The following STIP1 variants were observed in gnomAD, a reference collection of about 807,000 sequenced individuals.
STIP1 encodes stress induced phosphoprotein 1.
In STIP1, 16 loss-of-function variants were observed where a neutral mutation model predicts 77.4. That is an observed-to-expected ratio of 0.21 (90% CI 0.14 to 0.31). The LOEUF is 0.31. Ranked by LOEUF, STIP1 falls within the 10% of genes least tolerant of loss-of-function variation. The pLI is 1.00. For missense variants in STIP1, 524 were observed against 684.8 expected (o/e 0.77, Z 2.62); for synonymous variants, 258 against 246.6 (o/e 1.05, Z -0.44).
At chr11:64,198,545 CTG>C (rs1377646553) in intron 8 of STIP1, among the ~76,000 whole-genome samples, 1 of 152,114 alleles carries the variant, frequency 6.6e-6, no homozygotes, top group African/African-American at 2.4e-5. Flanking sequence ...AGGGGTCTCA[CTG>C]TGTTGCCCAG....
intron 10 of STIP1, 145 bp from the exon 11 acceptor site, chr11:64,202,731 A>G (rs1394722935): frequency 6.0e-6 from 5 of 831,410 alleles, no homozygotes; most frequent in African/African-American, 1.7e-5. Flanking sequence ...GGGATGATCC[A>G]TCATCTGGAG....
chr11:64,204,207 G>A lies in STIP1; in HGVS notation c.*81G>A. On this transcript the variant is annotated 3_prime_UTR_variant, in exon 14 of 14. Coordinates refer to ENST00000305218, the MANE Select transcript of STIP1 (RefSeq NM_006819.3). ...GCGGCGAGCAGCACGGAGCGGAAGGGAGAGCAGGGGAGAGAAGGCCTCATC... is the reference window on the plus strand; with the variant it reads ...GCGGCGAGCAGCACGGAGCGGAAGGAAGAGCAGGGGAGAGAAGGCCTCATC... 1.4e-6 allele frequency: 2 copies of A among 1,392,448 alleles called. No homozygotes were observed. The highest frequency in any genetic ancestry group is 1.2e-5 in the South Asian group (1 of 83,920). The allele number at this position is 1,392,448 out of a possible 1,614,324, so 86.3% of individuals were successfully genotyped here.
At chr11:64,195,936 C>G in intron 5 of STIP1, 123 bp downstream of exon 5, 1 of 1,392,116 alleles carries the variant, frequency 7.2e-7, no homozygotes. Context: ...GAGACGGAGT[C>G]TTGCTGTGTT....
chr11:64,193,503 G>A, intron 2 of STIP1: 1 of 562,294 alleles, frequency 1.8e-6, no homozygotes. Context: ...AGAGGCCAGG[G>A]CTGGGCGCGG....
Position 64,200,263 on chromosome 11 carries a change from C to T in STIP1, c.1215C>T (p.Thr405=). 1 of 1,613,208 alleles carries T rather than the reference C, an allele frequency of 6.2e-7. No individual in the cohort carries two copies. The highest frequency in any genetic ancestry group is 8.5e-7 in the Non-Finnish European group (1 of 1,179,726). Residue 405 remains threonine, a synonymous_variant, in exon 10 of 14, where the codon ACC becomes ACT. Transcript: ENST00000305218. ...ACAGCAATCGAGCTGCCTGCTACAC[C>T]AAACTCCTGGAGTTCCAGCTGGCAC... ...KLYSNRAACY[T]KLLEFQLALK... is the part of the protein sequence containing the mutation.
Position 64,197,497 on chromosome 11 carries a change from A to G in STIP1, c.804A>G (p.Val268=). The change falls in exon 7 of 14, where the codon GTA becomes GTG. Residue 268 remains valine, a synonymous_variant. Coordinates refer to ENST00000305218, the MANE Select transcript of STIP1 (RefSeq NM_006819.3). The stretch of plus-strand genomic sequence containing the variant: ...CTTAACCATCCTGCCTGGCAGCGGT[A>G]TACTTTGAAAAGGGCGACTACAATA... ...NMTYITNQAA[V]YFEKGDYNKC... 1.2e-6 allele frequency: 2 copies of G among 1,614,194 alleles called. No individual in the cohort carries two copies. The highest frequency in any genetic ancestry group is 2.2e-5 in the South Asian group (2 of 91,086).
intron 1 of STIP1, among the ~76,000 whole-genome samples, chr11:64,192,846 C>A (rs1041693442): frequency 6.6e-6 from 1 of 152,226 alleles, no homozygotes; most frequent in African/African-American, 2.4e-5. Flanking sequence ...TCGTTCGTCA[C>A]ATGGGGGCCA....
intron 1 of STIP1, among the ~76,000 whole-genome samples, chr11:64,187,175 T>A (rs1946032464): frequency 6.6e-6 from 1 of 152,068 alleles, no homozygotes; most frequent in African/African-American, 2.4e-5. Context: ...TTCCTTTCAG[T>A]GACTTGGTTA....
chr11:64,202,958 T>G (rs1403357883), intron 11 of STIP1, 46 bp downstream of exon 11: 5 of 1,613,858 alleles, frequency 3.1e-6, no homozygotes, highest in African/African-American at 1.3e-5. Context: ...GCCAAAAGAT[T>G]AGAGAAGGAA....
chr11:64,191,888 C>T (rs1946096531), intron 1 of STIP1, among the ~76,000 whole-genome samples: 1 of 152,114 alleles, frequency 6.6e-6, no homozygotes, highest in Non-Finnish European at 1.5e-5. Flanking sequence ...AGAGGCACAC[C>T]TCACTTGCCA....
At chr11:64,197,807 C>T (rs747603841) in intron 7 of STIP1, 47 bp from the exon 8 acceptor site, 2 of 1,594,594 alleles carry the variant, frequency 1.3e-6, no homozygotes, top group South Asian at 2.2e-5. Context: ...CAGGAGCTGA[C>T]TTTATCTCTC....
rs1465636600 is a variant in STIP1, at chr11:64,204,189, G to A, written c.*63G>A. 6.4e-7 allele frequency: 1 copy of A among 1,555,910 alleles called. No individual in the cohort carries two copies. Among genetic ancestry groups the A allele is most frequent in the African/African-American group, 1.4e-5 (1 of 73,340 alleles). On this transcript the variant is annotated 3_prime_UTR_variant, in exon 14 of 14. Transcript: ENST00000305218. ...GAAAGAGGAGCTGGGACCGCGGCGAGCAGCACGGAGCGGAAGGGAGAGCAG... is the reference window on the plus strand; with the variant it reads ...GAAAGAGGAGCTGGGACCGCGGCGAACAGCACGGAGCGGAAGGGAGAGCAG...
intron 1 of STIP1, among the ~76,000 whole-genome samples, chr11:64,186,756 G>A (rs984336536): frequency 9.9e-5 from 15 of 152,234 alleles, no homozygotes; most frequent in African/African-American, 3.4e-4. Context: ...GAGCGGGGAC[G>A]GGGATACACT....
chr11:64,193,518 G>A (rs963613857), intron 2 of STIP1: 11 of 514,266 alleles, frequency 2.1e-5, no homozygotes, highest in African/African-American at 1.2e-4. Context: ...GCGCGGTGAC[G>A]CACGCCTGTG....
intron 10 of STIP1, chr11:64,202,427 T>C (rs1245808954): frequency 6.8e-6 from 1 of 148,026 alleles, no homozygotes; most frequent in Admixed American, 6.8e-5. Context: ...TTTTTTTTTT[T>C]AGTAGAGATG....
chr11:64,196,366 A>G (rs769462222), intron 5 of STIP1, among the ~76,000 whole-genome samples: 53 of 140,648 alleles, frequency 3.8e-4, no homozygotes, highest in Middle Eastern at 3.8e-3. Context: ...ACTACACTCC[A>G]GGCTGGGTGA....
rs572678905 is a variant in STIP1 at position 64,204,349 on chromosome 11, G to A, written c.*223G>A. 5.0e-5 allele frequency: 26 copies of A among 520,348 alleles called. No individual in the cohort carries two copies. In the East Asian group the frequency reaches 5.9e-4, roughly 12 times the overall value. 32.2% of individuals were successfully genotyped at this position (520,348 alleles called of 1,614,324 possible). A position where few individuals can be genotyped will look rare whatever the true frequency, so the allele number is the denominator to read the frequency against. On this transcript the variant is annotated 3_prime_UTR_variant, in exon 14 of 14. Transcript: ENST00000305218. ...GCATGGTCTCTTCACCGCTGCCCTC[G>A]AGTTCCATGTCTCTTTCCCCTGCCC...
intron 1 of STIP1, among the ~76,000 whole-genome samples, chr11:64,186,948 C>T (rs923530965): frequency 6.6e-6 from 1 of 152,158 alleles, no homozygotes; most frequent in African/African-American, 2.4e-5. Flanking sequence ...CCATCTCTGA[C>T]AGTGTTTTAC....
At chr11:64,188,273 G>C (rs1051774363) in intron 1 of STIP1, among the ~76,000 whole-genome samples, 2 of 151,496 alleles carry the variant, frequency 1.3e-5, no homozygotes, top group African/African-American at 2.4e-5. Flanking sequence ...CAACCCGGGA[G>C]GCGTAGGTTG....
Sources: gnomAD v4.1 joint callset for allele counts (sites outside exome capture counted in the v4.1 genomes callset) on GRCh38, gnomAD v4.1.1 for gene constraint, MANE v1.5 for transcripts, NCBI Gene and HGNC (gene_info 2026-07-23, HGNC 2026-07-21) for gene names.